RPP40: variants seen among roughly 807,000 people sequenced by gnomAD.
RPP40 encodes ribonuclease P protein subunit p40.
In RPP40, 30 loss-of-function variants were observed where a neutral mutation model predicts 42.5. The ratio of observed to expected loss-of-function variants is 0.71; its 90% CI spans 0.53 to 0.96. RPP40 has a LOEUF of 0.96. Among genes scored for constraint, RPP40 ranks in the 40% least tolerant of loss-of-function variants. RPP40 has a pLI of 0.00. For missense variants in RPP40, 426 were observed against 433.5 expected (o/e 0.98, Z 0.15); for synonymous variants, 173 against 164.0 (o/e 1.05, Z -0.42).
chr6:5,002,181 G>T lies in RPP40; in HGVS notation c.188C>A (p.Thr63Asn). 6.2e-7 allele frequency: 1 copy of T among 1,612,436 alleles called. No homozygotes were observed. The highest frequency in any genetic ancestry group is 8.5e-7 in the Non-Finnish European group (1 of 1,178,452). The change falls in exon 2 of 8, where the codon ACT (threonine) becomes AAT (asparagine). Residue 63 changes from threonine (T) to asparagine (N), a missense_variant. By Grantham distance (65) the Thr-to-Asn change is moderately conservative (BLOSUM62 0). Transcript: ENST00000380051. ...SEELKNLVMN[T>N]GPYYFVKNLP... The stretch of plus-strand genomic sequence containing the variant: ...ATTCTTCACAAAGTAATAGGGTCCA[G>T]TGTTCATGACCAGGTTTTTCAGTTC...
chr6:4,993,990 C>T (rs1376228939), downstream of RPP40, among the ~76,000 whole-genome samples: 1 of 151,976 alleles, frequency 6.6e-6, no homozygotes, highest in Non-Finnish European at 1.5e-5. Flanking sequence ...TTCAATTTGG[C>T]ATTTGGCAGA....
At position 4,995,948 on chromosome 6, in the gene RPP40, C is replaced by G; in HGVS notation, c.893+3G>C. The G allele has an allele frequency of 1.9e-6, 3 of 1,613,794 alleles. No homozygotes were observed. The highest frequency in any genetic ancestry group is 3.3e-4 in the Middle Eastern group (2 of 6,060). ...AGCGATATAAAAGGTAAAGAGTTCT[C>G]ACCAGAGATGTTCCAATAGGAGACA... is the stretch of plus-strand genomic sequence containing the variant. On this transcript the variant is annotated splice_donor_region_variant and intron_variant, in intron 7 of 7. Coordinates refer to ENST00000380051, the MANE Select transcript of RPP40 (RefSeq NM_006638.4).
At chr6:4,999,594 T>TC (rs1276581411) in intron 4 of RPP40, among the ~76,000 whole-genome samples, 4 of 152,122 alleles carry the variant, frequency 2.6e-5, no homozygotes, top group African/African-American at 9.7e-5. Context: ...AATTGACCAG[T>TC]CCAAGTCTAC....
At chr6:5,003,345 T>TAA (rs1554114544) in intron 1 of RPP40, among the ~76,000 whole-genome samples, 478 of 75,124 alleles carry the variant, frequency 6.4e-3, no homozygotes, top group Middle Eastern at 0.014. Context: ...AAACTCCGTC[T>TAA]AAAAAAAAAA....
chr6:4,993,351 T>C (rs77899582), downstream of RPP40, among the ~76,000 whole-genome samples: 3,722 of 152,356 alleles, frequency 0.024, 70 homozygotes, highest in South Asian at 0.053. Context: ...TTTTCATTCC[T>C]AGATTTGTTT....
Position 4,996,446 on chromosome 6 carries a change from T to C in RPP40, c.560-26A>G, listed in dbSNP as rs1181955290. On this transcript the variant is annotated intron_variant, in intron 5 of 7. Transcript: ENST00000380051. Reference sequence around the variant, plus strand: ...CTTAAAAACACACCACACAAGGCCATTTGAATCCATCTGACCATCGTAAGC... The same window carrying C: ...CTTAAAAACACACCACACAAGGCCACTTGAATCCATCTGACCATCGTAAGC... The C allele has an allele frequency of 4.4e-6, 7 of 1,608,470 alleles. No individual in the cohort carries two copies. The Admixed American group carries it at 1.2e-4, about 27-fold the overall frequency.
intron 1 of RPP40, chr6:5,003,561 A>C: frequency 4.4e-6 from 1 of 228,836 alleles, no homozygotes; most frequent in East Asian, 9.4e-5. Context: ...CCGGCCCTGA[A>C]CCTCGAATCC....
At chr6:4,994,077 T>A (rs555629749), downstream of RPP40, among the ~76,000 whole-genome samples, 1,036 of 151,086 alleles carry the variant, frequency 6.9e-3, 12 homozygotes, top group African/African-American at 0.023. Flanking sequence ...AAAAAAAAAA[T>A]TTTTTTTTCC....
At chr6:4,990,169 A>C (rs1359416273), downstream of RPP40, among the ~76,000 whole-genome samples, 1 of 152,120 alleles carries the variant, frequency 6.6e-6, no homozygotes, top group African/African-American at 2.4e-5. Context: ...GCCTTTCTGT[A>C]TTGATTGATT....
intron 3 of RPP40, 117 bp from the exon 4 acceptor site, chr6:5,000,021 G>A: frequency 1.6e-6 from 1 of 609,896 alleles, no homozygotes; most frequent in South Asian, 2.2e-5. Context: ...TGCATACAAG[G>A]ATCTTATTTA....
At chr6:4,993,371 T>A (rs1759287217), downstream of RPP40, among the ~76,000 whole-genome samples, 1 of 152,238 alleles carries the variant, frequency 6.6e-6, no homozygotes, top group South Asian at 2.1e-4. Flanking sequence ...TGGCACTTTT[T>A]ACAATCTGCT....
intron 1 of RPP40, 90 bp downstream of exon 1, chr6:5,003,790 C>T: frequency 1.4e-6 from 2 of 1,450,256 alleles, no homozygotes; most frequent in Non-Finnish European, 1.8e-6. Context: ...CGCCGGCGGC[C>T]CCGCCCCGCG....
Position 4,996,081 on chromosome 6 carries a change from T to C in RPP40, c.763A>G (p.Asn255Asp). Residue 255 changes from asparagine to aspartate, a missense_variant, in exon 7 of 8, where the codon AAT becomes GAT. Asn to Asp is a conservative substitution (Grantham distance 23). Transcript: ENST00000380051. ...GTTGATATGAAATTATTAGGCTCATTATTTCTGTCACCAAAAAAATAAAAG... is the reference window on the plus strand; with the variant it reads ...GTTGATATGAAATTATTAGGCTCATCATTTCTGTCACCAAAAAAATAAAAG... Reference protein sequence around the residue: ...GAVFSNVDLNNEPNNFISTYC... With the variant: ...GAVFSNVDLNDEPNNFISTYC... 6.2e-7 allele frequency: 1 copy of C among 1,613,808 alleles called. No individual in the cohort carries two copies. Among genetic ancestry groups the C allele is most frequent in the Non-Finnish European group, 8.5e-7 (1 of 1,179,894 alleles).
chr6:4,994,082 T>A (rs368176698), downstream of RPP40, among the ~76,000 whole-genome samples: 1 of 152,024 alleles, frequency 6.6e-6, no homozygotes, highest in Non-Finnish European at 1.5e-5. Flanking sequence ...AAAAATTTTT[T>A]TTTCCCTTTA....
At position 5,003,955 on chromosome 6, in the gene RPP40, A is replaced by G. The variant is rs1334521935; in HGVS notation, c.48T>C (p.Val16=). Residue 16 remains valine, a synonymous_variant, in exon 1 of 8, where the codon GTT becomes GTC. Transcript: ENST00000380051. ...GGTTGCCGAAGTTGGATTTCTCGCA[A>G]ACCAGTAAGTGCCGCGGCGCCTCCC... ...RLREAPRHLL[V]CEKSNFGNHK... The G allele has an allele frequency of 1.9e-5, 31 of 1,613,268 alleles. No individual in the cohort carries two copies. The highest frequency in any genetic ancestry group is 2.5e-5 in the Non-Finnish European group (29 of 1,179,708).
At chr6:4,993,057 G>A (rs116547142), downstream of RPP40, among the ~76,000 whole-genome samples, 1 of 152,114 alleles carries the variant, frequency 6.6e-6, no homozygotes, top group South Asian at 2.1e-4. Context: ...CCTACACTAT[G>A]ACTTTTATTT....
rs749077313 is a variant in RPP40 at position 5,002,246 on chromosome 6, C to G, written c.124-1G>C. The G allele has an allele frequency of 1.8e-5, 29 of 1,610,262 alleles. No individual in the cohort carries two copies. Among genetic ancestry groups the G allele is most frequent in the Non-Finnish European group, 2.3e-5 (27 of 1,178,540 alleles). On this transcript the variant is annotated splice_acceptor_variant, in intron 1 of 7. Transcript: ENST00000380051. LOFTEE classifies it high-confidence loss of function. The stretch of plus-strand genomic sequence containing the variant: ...CACATTCAGGAATGAGAAATGAAAC[C>G]TATTGGAATGTGTAATACAAACAAG...
chr6:4,995,752 A>G (rs1243719862), intron 7 of RPP40, among the ~76,000 whole-genome samples, 199 bp downstream of exon 7: 1 of 152,240 alleles, frequency 6.6e-6, no homozygotes, highest in Non-Finnish European at 1.5e-5. Flanking sequence ...TAAATCTGAC[A>G]TTTCAAAAGG....
intron 7 of RPP40, 82 bp downstream of exon 7, chr6:4,995,869 C>T: frequency 7.2e-7 from 1 of 1,395,390 alleles, no homozygotes; most frequent in Non-Finnish European, 9.8e-7. Context: ...TATACCACCT[C>T]CCAAAATGAA....
Sources: gnomAD v4.1 joint callset for allele counts (sites outside exome capture counted in the v4.1 genomes callset) on GRCh38, gnomAD v4.1.1 for gene constraint, MANE v1.5 for transcripts, NCBI Gene and HGNC (gene_info 2026-07-23, HGNC 2026-07-21) for gene names.